The following WDFY2 variants were observed in gnomAD, a reference collection of about 807,000 sequenced individuals.
WDFY2 encodes WD repeat and FYVE domain containing 2, also known as WD repeat and FYVE domain-containing protein 2.
In WDFY2, 36 loss-of-function variants were observed where a neutral mutation model predicts 56.4. The observed-to-expected ratio is 0.64, with a 90% CI of 0.49 to 0.84. WDFY2 has a LOEUF of 0.84. Ranked by LOEUF, WDFY2 falls within the 40% of genes least tolerant of loss-of-function variation. WDFY2 has a pLI of 0.00. For synonymous variants in WDFY2, 176 were observed against 183.7 expected (o/e 0.96, Z 0.34); for missense variants, 444 against 512.2 (o/e 0.87, Z 1.29).
chr13:51,745,973 CTTTTTTT>C (rs59572351), intron 7 of WDFY2, among the ~76,000 whole-genome samples: 2 of 100,760 alleles, frequency 2.0e-5, no homozygotes, highest in African/African-American at 7.9e-5. Flanking sequence ...TTTTCTTTTT[CTTTTTTT>C]TTTTTTTTTT....
chr13:51,606,992 A>G (rs1954395824), intron 1 of WDFY2, among the ~76,000 whole-genome samples: 1 of 152,208 alleles, frequency 6.6e-6, no homozygotes, highest in African/African-American at 2.4e-5. Flanking sequence ...GCTATATGAA[A>G]TGTAACTGAA....
At chr13:51,691,922 A>G (rs971300826) in intron 3 of WDFY2, among the ~76,000 whole-genome samples, 3 of 151,812 alleles carry the variant, frequency 2.0e-5, no homozygotes, top group Non-Finnish European at 4.4e-5. Flanking sequence ...CATCCCTTGT[A>G]AGTTGGATTC....
intron 1 of WDFY2, chr13:51,590,957 C>G (rs1413435599): frequency 6.6e-6 from 1 of 152,146 alleles, no homozygotes; most frequent in African/African-American, 2.4e-5. Flanking sequence ...TGTCTCTTGG[C>G]AGGGAGTGCT....
chr13:51,703,687 C>G, intron 4 of WDFY2, 37 bp downstream of exon 4: 10 of 1,542,512 alleles, frequency 6.5e-6, no homozygotes, highest in Non-Finnish European at 8.8e-6. Flanking sequence ...TACCCAGATT[C>G]TAAAATACTT....
rs1953718074 is a variant in WDFY2 at position 51,765,484 on chromosome 13, T to A, written c.*5715T>A. ...CACAGTGTAGAGCCTTTGCCAGAGA[T>A]GTTGAAAGGGAGATTAAAGGCTTGA... On this transcript the variant is annotated 3_prime_UTR_variant, in exon 12 of 12. Coordinates refer to ENST00000298125, the MANE Select transcript of WDFY2 (RefSeq NM_052950.4). 6.6e-6 allele frequency: 1 copy of A among 152,152 alleles called. No individual in the cohort carries two copies. Among genetic ancestry groups the A allele is most frequent in the Non-Finnish European group, 1.5e-5 (1 of 68,016 alleles). The allele number at this position is 152,152 out of a possible 1,614,324, so 9.4% of individuals were successfully genotyped here.
chr13:51,718,981 GT>G lies in WDFY2; in HGVS notation c.335-208del, dbSNP rs959690624. Among the ~76,000 whole-genome samples the G allele has an allele frequency of 1.3e-4, 19 of 151,728 alleles. 1 individual carries two copies. The South Asian group carries it at 3.5e-3, about 28-fold the overall frequency. On this transcript the variant is annotated intron_variant, in intron 4 of 11. Coordinates refer to ENST00000298125, the MANE Select transcript of WDFY2 (RefSeq NM_052950.4). Reference sequence around the variant, plus strand: ...GGGGAACATTGGGAAGAGATGGATAGTTTTTTTTTAATCACCCAAAACACTC... The same window carrying G: ...GGGGAACATTGGGAAGAGATGGATAGTTTTTTTTAATCACCCAAAACACTC...
rs1167694597 is a variant in WDFY2 at position 51,767,088 on chromosome 13, G to GCAAA, written c.*7322_*7325dup. 6.6e-6 allele frequency: 1 copy of GCAAA among 152,242 alleles called. No individual in the cohort carries two copies. Among genetic ancestry groups the GCAAA allele is most frequent in the Non-Finnish European group, 1.5e-5 (1 of 68,038 alleles). The allele number at this position is 152,242 out of a possible 1,614,324, so 9.4% of individuals were successfully genotyped here. ...TCCAGTGAGGAGAAATGACTTCGGG[G>GCAAA]CAAACACTGCCAGGGAAAGCCTCAT... On this transcript the variant is annotated 3_prime_UTR_variant, in exon 12 of 12. Coordinates refer to ENST00000298125, the MANE Select transcript of WDFY2 (RefSeq NM_052950.4).
chr13:51,767,592 G>A lies in WDFY2; in HGVS notation c.*7823G>A, dbSNP rs1201863062. ...TCCTGGAGTCACTAAGAGGTAAAAT[G>A]GTGTAAATTAGAGGTTTTATCAAAG... On this transcript the variant is annotated 3_prime_UTR_variant, in exon 12 of 12. Coordinates refer to ENST00000298125, the MANE Select transcript of WDFY2 (RefSeq NM_052950.4). The A allele has an allele frequency of 6.5e-6, 1 of 152,790 alleles. No individual in the cohort carries two copies. The highest frequency in any genetic ancestry group is 1.5e-5 in the Non-Finnish European group (1 of 68,588). The allele number at this position is 152,790 out of a possible 1,614,324, so 9.5% of individuals were successfully genotyped here. A position where few individuals can be genotyped will look rare whatever the true frequency, so the allele number is the denominator to read the frequency against.
At chr13:51,670,517 A>G (rs1456893720) in intron 2 of WDFY2, among the ~76,000 whole-genome samples, 1 of 150,410 alleles carries the variant, frequency 6.6e-6, no homozygotes, top group Non-Finnish European at 1.5e-5. Flanking sequence ...ACACACACAC[A>G]CACACACACA....
intron 3 of WDFY2, 27 bp downstream of exon 3, chr13:51,675,270 G>T: frequency 6.3e-7 from 1 of 1,582,804 alleles, no homozygotes; most frequent in South Asian, 1.1e-5. Context: ...AAGATTTCCA[G>T]TTGAAATACT....
chr13:51,604,176 T>C (rs1203866545), intron 1 of WDFY2, among the ~76,000 whole-genome samples: 1 of 152,220 alleles, frequency 6.6e-6, no homozygotes, highest in Non-Finnish European at 1.5e-5. Flanking sequence ...CAGTCTTTTG[T>C]GCTGTAAAGG....
At position 51,630,994 on chromosome 13, in the gene WDFY2, A is replaced by G. The variant is rs1174006029; in HGVS notation, c.138-29602A>G. ...GGGGTTTCACCATGTTGGCCAGGCT[A>G]GTCTCGAACTCCTGACCTCAGGTGA... On this transcript the variant is annotated intron_variant, in intron 1 of 11. Transcript: ENST00000298125. 2.0e-5 allele frequency among the ~76,000 whole-genome samples: 3 copies of G among 151,348 alleles called. No individual in the cohort carries two copies. In the East Asian group the frequency reaches 6.0e-4, roughly 30 times the overall value.
intron 1 of WDFY2, among the ~76,000 whole-genome samples, 188 bp downstream of exon 1, chr13:51,585,012 C>A (rs1338978356): frequency 6.6e-6 from 1 of 152,210 alleles, no homozygotes; most frequent in Non-Finnish European, 1.5e-5. Flanking sequence ...CTCCGGGAAG[C>A]GGAGCCGGGA....
At chr13:51,617,773 G>A (rs1041518865) in intron 1 of WDFY2, among the ~76,000 whole-genome samples, 2 of 152,186 alleles carry the variant, frequency 1.3e-5, no homozygotes, top group Non-Finnish European at 2.9e-5. Flanking sequence ...CAAGTCATAT[G>A]TCCACAGCCT....
At chr13:51,709,647 C>T (rs917640177) in intron 4 of WDFY2, among the ~76,000 whole-genome samples, 18 of 152,266 alleles carry the variant, frequency 1.2e-4, no homozygotes, top group African/African-American at 3.9e-4. Context: ...TCAGAGAATA[C>T]TATCAACACC....
At chr13:51,737,227 C>A (rs888509209) in intron 6 of WDFY2, among the ~76,000 whole-genome samples, 1 of 152,124 alleles carries the variant, frequency 6.6e-6, no homozygotes, top group Non-Finnish European at 1.5e-5. Flanking sequence ...GCACATGCTT[C>A]CCATGCGCTA....
chr13:51,756,944 G>C (rs1483223925), intron 10 of WDFY2, among the ~76,000 whole-genome samples: 1 of 152,196 alleles, frequency 6.6e-6, no homozygotes, highest in Non-Finnish European at 1.5e-5. Flanking sequence ...GACCTGCCCA[G>C]TAACCCAGGA....
intron 7 of WDFY2, among the ~76,000 whole-genome samples, chr13:51,749,074 C>T (rs976346422): frequency 2.0e-5 from 3 of 152,076 alleles, no homozygotes; most frequent in Admixed American, 6.5e-5. Context: ...TAGAAAGGCT[C>T]GCAAAAATAT....
chr13:51,647,765 T>TA (rs528621325), intron 1 of WDFY2, among the ~76,000 whole-genome samples: 8,931 of 102,524 alleles, frequency 0.087, 372 homozygotes, highest in African/African-American at 0.12. Flanking sequence ...GTCTCTCTCT[T>TA]AAAAAAAAAA....
Sources: gnomAD v4.1 joint callset for allele counts (sites outside exome capture counted in the v4.1 genomes callset) on GRCh38, gnomAD v4.1.1 for gene constraint, MANE v1.5 for transcripts, NCBI Gene and HGNC (gene_info 2026-07-23, HGNC 2026-07-21) for gene names.